The following NTM variants were observed in gnomAD, a reference collection of about 807,000 sequenced individuals.
The protein encoded by NTM is neurotrimin.
In NTM, 13 loss-of-function variants were observed where a neutral mutation model predicts 42.1. The ratio of observed to expected loss-of-function variants is 0.31; its 90% CI spans 0.20 to 0.49. NTM has a LOEUF of 0.49. Ranked by LOEUF, NTM falls within the 20% of genes least tolerant of loss-of-function variation. NTM has a pLI of 0.99. For synonymous variants in NTM, 187 were observed against 179.2 expected (o/e 1.04, Z -0.35); for missense variants, 373 against 452.8 (o/e 0.82, Z 1.60).
At chr11:131,549,460 G>C (rs554196978) in intron 1 of NTM, among the ~76,000 whole-genome samples, 9 of 152,026 alleles carry the variant, frequency 5.9e-5, no homozygotes, top group Non-Finnish European at 1.2e-4. Flanking sequence ...GAGTCAAAGG[G>C]TTGTCAACTG....
chr11:132,229,770 G>A (rs1424947971), intron 4 of NTM, among the ~76,000 whole-genome samples: 1 of 152,152 alleles, frequency 6.6e-6, no homozygotes, highest in African/African-American at 2.4e-5. Context: ...GGAGGAAAGT[G>A]GTTCAACCAT....
chr11:131,509,768 G>C (rs1178118267), intron 1 of NTM, among the ~76,000 whole-genome samples: 1 of 152,126 alleles, frequency 6.6e-6, no homozygotes, highest in Non-Finnish European at 1.5e-5. Flanking sequence ...TCTTTCTTTA[G>C]AGATAAGAAA....
intron 1 of NTM, among the ~76,000 whole-genome samples, chr11:131,688,830 T>G (rs2074279323): frequency 6.6e-6 from 1 of 152,178 alleles, no homozygotes; most frequent in Admixed American, 6.5e-5. Context: ...TCAGAAAATA[T>G]TACCATCTTG....
intron 1 of NTM, among the ~76,000 whole-genome samples, chr11:131,471,573 ATTTATAT>A (rs1952447713): frequency 6.6e-6 from 1 of 152,220 alleles, no homozygotes; most frequent in Non-Finnish European, 1.5e-5. Context: ...TTAGTCTTAT[ATTTATAT>A]TAAAACTTAG....
intron 2 of NTM, among the ~76,000 whole-genome samples, chr11:132,060,069 G>A (rs1389189880): frequency 6.6e-6 from 1 of 152,156 alleles, no homozygotes; most frequent in Admixed American, 6.5e-5. Flanking sequence ...TCCAGGAGGG[G>A]ATTCTTCCCT....
chr11:131,463,737 A>G (rs1021419286), intron 1 of NTM, among the ~76,000 whole-genome samples: 10 of 152,202 alleles, frequency 6.6e-5, no homozygotes, highest in African/African-American at 2.4e-4. Flanking sequence ...TCATTGCTGA[A>G]ATAGTCCATG....
intron 3 of NTM, among the ~76,000 whole-genome samples, chr11:132,168,969 C>G (rs993310856): frequency 6.6e-6 from 1 of 152,056 alleles, no homozygotes; most frequent in African/African-American, 2.4e-5. Flanking sequence ...TTCCCACCAC[C>G]AAAACTATCG....
intron 1 of NTM, among the ~76,000 whole-genome samples, chr11:131,881,493 C>CACACACAA (rs1377439550): frequency 1.3e-5 from 2 of 151,402 alleles, no homozygotes; most frequent in Admixed American, 6.6e-5. Flanking sequence ...CACACACACA[C>CACACACAA]ACACACACAC....
chr11:131,709,117 A>C (rs1330812735), intron 1 of NTM, among the ~76,000 whole-genome samples: 3 of 152,128 alleles, frequency 2.0e-5, no homozygotes, highest in Admixed American at 2.0e-4. Flanking sequence ...AACAGGAAGG[A>C]GGTCAATGTG....
At chr11:131,676,306 A>C (rs917558666) in intron 1 of NTM, among the ~76,000 whole-genome samples, 1 of 152,274 alleles carries the variant, frequency 6.6e-6, no homozygotes, top group Non-Finnish European at 1.5e-5. Flanking sequence ...TACATAAAAC[A>C]AAACCAAGAC....
intron 4 of NTM, among the ~76,000 whole-genome samples, chr11:132,293,751 A>G (rs1238642099): frequency 6.6e-6 from 1 of 152,000 alleles, no homozygotes; most frequent in Non-Finnish European, 1.5e-5. Context: ...GTAACACATT[A>G]GGATTGTATG....
chr11:131,541,034 T>A (rs1165286407), intron 1 of NTM, among the ~76,000 whole-genome samples: 1 of 152,168 alleles, frequency 6.6e-6, no homozygotes, highest in African/African-American at 2.4e-5. Context: ...ACCAGATTAG[T>A]GATTACAATT....
At chr11:131,919,750 G>GTATC (rs2056947927) in intron 2 of NTM, among the ~76,000 whole-genome samples, 1 of 151,654 alleles carries the variant, frequency 6.6e-6, no homozygotes, top group Admixed American at 6.6e-5. Flanking sequence ...GAATATATAT[G>GTATC]TACATATGCA....
chr11:131,546,528 C>G (rs560331016), intron 1 of NTM: 1 of 152,210 alleles, frequency 6.6e-6, no homozygotes, highest in Admixed American at 6.5e-5. Flanking sequence ...TTCTGGGACT[C>G]AGGAGGACAG....
At chr11:132,119,419 G>A (rs887827446) in intron 2 of NTM, among the ~76,000 whole-genome samples, 14 of 152,140 alleles carry the variant, frequency 9.2e-5, no homozygotes, top group Non-Finnish European at 1.6e-4. Flanking sequence ...AGCTGGGGTC[G>A]CAGCAGCAGG....
chr11:131,778,299 C>G (rs540340144), intron 1 of NTM, among the ~76,000 whole-genome samples: 1 of 152,270 alleles, frequency 6.6e-6, no homozygotes, highest in South Asian at 2.1e-4. Flanking sequence ...GAATGATTTG[C>G]CAAAAGATAA....
intron 1 of NTM, among the ~76,000 whole-genome samples, chr11:131,799,641 G>C (rs1467568852): frequency 6.6e-6 from 1 of 152,142 alleles, no homozygotes; most frequent in Non-Finnish European, 1.5e-5. Context: ...GAATTGAGGA[G>C]GCAGGTTCTG....
chr11:131,975,979 T>G (rs1327246952), intron 2 of NTM, among the ~76,000 whole-genome samples: 1 of 152,108 alleles, frequency 6.6e-6, no homozygotes, highest in East Asian at 1.9e-4. Flanking sequence ...AAGAGAGATG[T>G]CCTTAGGCCT....
At chr11:132,268,062 C>T (rs1414246581) in intron 4 of NTM, among the ~76,000 whole-genome samples, 2 of 152,060 alleles carry the variant, frequency 1.3e-5, no homozygotes, top group African/African-American at 4.8e-5. Flanking sequence ...AATCCAAGCC[C>T]CTGGGTTCAT....
Sources: allele counts gnomAD v4.1 joint callset (sites outside exome capture counted in the v4.1 genomes callset), GRCh38; gene constraint gnomAD v4.1.1; transcripts MANE v1.5; gene names NCBI Gene and HGNC (gene_info 2026-07-23, HGNC 2026-07-21).